The following OTOGL variants were observed in gnomAD, a reference collection of about 807,000 sequenced individuals.
OTOGL encodes the protein otogelin like.
OTOGL carries 285 observed loss-of-function variants against 318.5 expected under a neutral mutation model. The ratio of observed to expected loss-of-function variants is 0.89; its 90% confidence interval spans 0.81 to 0.99. The LOEUF (loss-of-function observed/expected upper bound fraction) is 0.99. Among genes scored for constraint, OTOGL ranks in the 50% least tolerant of loss-of-function variants. The pLI is 0.00. For missense variants in OTOGL, 2,899 were observed against 2,845.6 expected (o/e 1.02, Z -0.43); for synonymous variants, 987 against 936.5 (o/e 1.05, Z -0.99).
chr12:80,378,211 T>C lies in OTOGL; in HGVS notation c.*163T>C. 1 of 547,630 alleles carries C rather than the reference T, an allele frequency of 1.8e-6. No individual in the cohort carries two copies. The highest frequency in any genetic ancestry group is 2.9e-5 in the South Asian group (1 of 33,994). The allele number at this position is 547,630 out of a possible 1,614,324, so 33.9% of individuals were successfully genotyped here. On this transcript the variant is annotated 3_prime_UTR_variant, in exon 59 of 59. Transcript: ENST00000547103. ...CAATTTGTACAAAATATATACAGTT[T>C]CAATAGCAAAATTAAATTTATTGCT...
intron 1 of OTOGL, among the ~76,000 whole-genome samples, chr12:80,159,299 T>G (rs181425613): frequency 6.6e-6 from 1 of 152,218 alleles, no homozygotes; most frequent in Admixed American, 6.5e-5. Context: ...GTTTTGATTT[T>G]TTGTTATGTC....
At chr12:80,244,953 C>T (rs1880740483) in intron 11 of OTOGL, among the ~76,000 whole-genome samples, 1 of 148,732 alleles carries the variant, frequency 6.7e-6, no homozygotes, top group African/African-American at 2.6e-5. Flanking sequence ...TTTTTGGCTG[C>T]ATAAATGTCT....
chr12:80,323,911 A>C, intron 35 of OTOGL, 71 bp downstream of exon 35: 1 of 1,221,084 alleles, frequency 8.2e-7, no homozygotes, highest in South Asian at 1.3e-5. Context: ...GATTTTTTTC[A>C]AGATTTTAAA....
intron 44 of OTOGL, among the ~76,000 whole-genome samples, chr12:80,349,365 A>G (rs1232724532): frequency 3.9e-5 from 6 of 152,186 alleles, no homozygotes; most frequent in Non-Finnish European, 7.3e-5. Flanking sequence ...TATTTCACAT[A>G]TGAAGAAACC....
chr12:80,206,476 A>C (rs1351193522), intron 1 of OTOGL, among the ~76,000 whole-genome samples: 9 of 152,132 alleles, frequency 5.9e-5, no homozygotes, highest in Non-Finnish European at 1.2e-4. Context: ...ATAAAATAGT[A>C]ACAACCCTGA....
At chr12:80,252,469 A>T (rs1881655838) in intron 13 of OTOGL, among the ~76,000 whole-genome samples, 1 of 152,176 alleles carries the variant, frequency 6.6e-6, no homozygotes, top group South Asian at 2.1e-4. Context: ...TCAATATTTA[A>T]TGGTATTTAA....
At chr12:80,289,692 C>CT (rs2137672716) in intron 26 of OTOGL, among the ~76,000 whole-genome samples, 1 of 152,334 alleles carries the variant, frequency 6.6e-6, no homozygotes, top group East Asian at 1.9e-4. Flanking sequence ...TTCTTTAACA[C>CT]TGTGAGGGGA....
At chr12:80,142,485 T>G (rs1325807974) in intron 1 of OTOGL, among the ~76,000 whole-genome samples, 3 of 152,168 alleles carry the variant, frequency 2.0e-5, no homozygotes, top group African/African-American at 7.2e-5. Flanking sequence ...TATAAACTCC[T>G]CCCCATTTTC....
intron 11 of OTOGL, among the ~76,000 whole-genome samples, chr12:80,249,839 C>T (rs555377066): frequency 1.5e-4 from 23 of 151,140 alleles, no homozygotes; most frequent in Admixed American, 1.1e-3. Context: ...TAGGACCCTC[C>T]GAGGCAGGTG....
At position 80,313,493 on chromosome 12, in the gene OTOGL, T is replaced by G. The variant is rs774072567; in HGVS notation, c.3468T>G (p.Phe1156Leu). 1.2e-6 allele frequency: 2 copies of G among 1,611,432 alleles called. No individual in the cohort carries two copies. Among genetic ancestry groups the G allele is most frequent in the Non-Finnish European group, 1.7e-6 (2 of 1,177,866 alleles). Residue 1156 changes from phenylalanine (F) to leucine (L), a missense_variant, in exon 31 of 59, where the codon TTT becomes TTG. Phe to Leu is a conservative substitution (Grantham distance 22). This residue lies in a region of OTOGL where 2,607 missense variants were observed against 2,524.9 expected (regional missense o/e 1.03). Transcript: ENST00000547103. ...SCRNVIDVTS[F>L]AKNCHEDTCN... ...TTTTTCAGATTGACGTTACTTCTTT[T>G]GCCAAAAATTGTCATGAAGATACAT...
intron 35 of OTOGL, among the ~76,000 whole-genome samples, chr12:80,328,158 A>T (rs969361152): frequency 6.6e-6 from 1 of 151,774 alleles, no homozygotes; most frequent in Admixed American, 6.6e-5. Flanking sequence ...CTCTACAAAA[A>T]AATAGAAAAA....
chr12:80,280,174 T>C (rs912542990), intron 26 of OTOGL, among the ~76,000 whole-genome samples: 2 of 151,826 alleles, frequency 1.3e-5, no homozygotes, highest in African/African-American at 4.8e-5. Flanking sequence ...TTGTTTAAGT[T>C]CCTTGTAGAT....
intron 1 of OTOGL, among the ~76,000 whole-genome samples, chr12:80,115,868 C>G (rs1870127840): frequency 6.6e-6 from 1 of 152,172 alleles, no homozygotes; most frequent in African/African-American, 2.4e-5. Flanking sequence ...AAACTGCCTA[C>G]TCAAGCCTCA....
chr12:80,104,939 T>G (rs1179578317), intron 1 of OTOGL, among the ~76,000 whole-genome samples: 1 of 151,874 alleles, frequency 6.6e-6, no homozygotes, highest in Non-Finnish European at 1.5e-5. Context: ...TACTAAAAAT[T>G]CAACAGATTA....
intron 38 of OTOGL, among the ~76,000 whole-genome samples, chr12:80,333,520 G>A (rs1368530408): frequency 1.3e-5 from 2 of 151,800 alleles, no homozygotes; most frequent in African/African-American, 2.4e-5. Flanking sequence ...TATACCATTT[G>A]CTCTGATAAA....
At chr12:80,236,072 G>T (rs1330621446) in intron 9 of OTOGL, among the ~76,000 whole-genome samples, 2 of 152,130 alleles carry the variant, frequency 1.3e-5, no homozygotes, top group African/African-American at 4.8e-5. Flanking sequence ...GTTTCTTAAT[G>T]GTGATTAAAA....
At chr12:80,186,198 T>C (rs1001735391) in intron 1 of OTOGL, among the ~76,000 whole-genome samples, 4 of 152,204 alleles carry the variant, frequency 2.6e-5, no homozygotes, top group African/African-American at 9.7e-5. Context: ...AAAACAGTTG[T>C]TTTTTTCTTT....
chr12:80,104,636 T>C (rs1343904518), intron 1 of OTOGL, among the ~76,000 whole-genome samples: 1 of 152,006 alleles, frequency 6.6e-6, no homozygotes, highest in African/African-American at 2.4e-5. Context: ...AGCAGTGTTG[T>C]AGGGGTGGGA....
chr12:80,260,419 T>C (rs901273135), intron 18 of OTOGL, among the ~76,000 whole-genome samples: 2 of 152,090 alleles, frequency 1.3e-5, no homozygotes, highest in Non-Finnish European at 1.5e-5. Flanking sequence ...AGTCAATGTT[T>C]AAGAGTCGGC....
Sources: allele counts gnomAD v4.1 joint callset (sites outside exome capture counted in the v4.1 genomes callset), GRCh38; gene constraint gnomAD v4.1.1; regional missense constraint gnomAD v4.1.1; transcripts MANE v1.5; gene names NCBI Gene and HGNC (gene_info 2026-07-23, HGNC 2026-07-21).